Variants in ATP2C1 observed in about 807,000 individuals in gnomAD.
ATP2C1 encodes the protein ATPase secretory pathway Ca2+ transporting 1, also known as calcium-transporting ATPase type 2C member 1.
ATP2C1 carries 31 observed loss-of-function variants against 120.5 expected under a neutral mutation model. The observed-to-expected ratio is 0.26, with a 90% CI of 0.19 to 0.35. ATP2C1 has a LOEUF of 0.35. Ranked by LOEUF, ATP2C1 falls within the 10% of genes least tolerant of loss-of-function variation. The pLI, the probability that ATP2C1 is intolerant of heterozygous loss-of-function variation, is 1.00. For synonymous variants in ATP2C1, 351 were observed against 358.7 expected, an observed-to-expected ratio of 0.98 and a Z score of 0.24; for missense variants, 731 against 1,107.5, an observed-to-expected ratio of 0.66 and a Z score of 4.83.
upstream of ATP2C1, chr3:130,894,048 G>A: frequency 1.0e-6 from 1 of 986,290 alleles, no homozygotes; most frequent in Non-Finnish European, 1.2e-6. The surrounding 1 kb of genome is among the most constrained non-coding windows in gnomAD (Gnocchi z 4.5). Flanking sequence ...GGCCGGCGGC[G>A]GGGAGGGGCG....
chr3:130,953,149 A>G (rs1373046094), intron 8 of ATP2C1, among the ~76,000 whole-genome samples: 1 of 151,986 alleles, frequency 6.6e-6, no homozygotes, highest in Non-Finnish European at 1.5e-5. Context: ...ATCTATACTC[A>G]TAAAATTGTT....
chr3:130,860,121 TA>T (rs989943582), intron 1 of ATP2C1, among the ~76,000 whole-genome samples: 1 of 152,266 alleles, frequency 6.6e-6, no homozygotes, highest in African/African-American at 2.4e-5. Context: ...TATTTTTCAT[TA>T]AAACAAACAT....
At position 130,929,886 on chromosome 3, in the gene ATP2C1, T is replaced by A. The variant is rs1325002002; in HGVS notation, c.7-530T>A. ...TGCATCCTTTGCTTGTCTGGTCTCT[T>A]TTACTTCTTGTTTTTCTCCTAGTTT... On this transcript the variant is annotated intron_variant, in intron 2 of 27. Coordinates refer to ENST00000510168, the MANE Select transcript of ATP2C1 (RefSeq NM_001378687.1). The A allele has an allele frequency of 1.5e-5, 3 of 203,060 alleles. No homozygotes were observed. The East Asian group carries it at 4.0e-4, about 27-fold the overall frequency. The allele number at this position is 203,060 out of a possible 1,614,324, so 12.6% of individuals were successfully genotyped here.
At chr3:130,897,683 T>C (rs2069753016) in intron 2 of ATP2C1, among the ~76,000 whole-genome samples, 1 of 152,192 alleles carries the variant, frequency 6.6e-6, no homozygotes, top group African/African-American at 2.4e-5. Flanking sequence ...TGGTGGTATT[T>C]TCTTTGGCAC....
Position 131,001,546 on chromosome 3 carries a change from C to CAGATCGAAGG in ATP2C1, c.*196_*197insAGATCGAAGG. 7.8e-7 allele frequency: 1 copy of CAGATCGAAGG among 1,282,964 alleles called. No homozygotes were observed. The highest frequency in any genetic ancestry group is 9.9e-7 in the Non-Finnish European group (1 of 1,009,640). 79.5% of individuals were successfully genotyped at this position (1,282,964 alleles called of 1,614,324 possible). On this transcript the variant is annotated 3_prime_UTR_variant, in exon 28 of 28. Transcript: ENST00000510168. ...AATTATGCAACTTTGATATCATATT[C>CAGATCGAAGG]CTTGATTTAAATTGGCTTTTGTGAT... is the stretch of plus-strand genomic sequence containing the variant.
At chr3:130,957,074 G>A (rs1210543598) in intron 11 of ATP2C1, among the ~76,000 whole-genome samples, 1 of 152,122 alleles carries the variant, frequency 6.6e-6, no homozygotes, top group African/African-American at 2.4e-5. Context: ...TGCTAAGCAT[G>A]TGGGACTTAT....
At chr3:130,987,001 A>G (rs1014848499) in intron 20 of ATP2C1, among the ~76,000 whole-genome samples, 1 of 151,442 alleles carries the variant, frequency 6.6e-6, no homozygotes, top group African/African-American at 2.4e-5. Context: ...GTGCAGTGGC[A>G]TGATCATAGC....
chr3:130,918,265 C>A, intron 2 of ATP2C1: 1 of 1,538,548 alleles, frequency 6.5e-7, no homozygotes, highest in African/African-American at 1.4e-5. Flanking sequence ...AGCCAAATCC[C>A]TTGGGCCCAA....
intron 1 of ATP2C1, among the ~76,000 whole-genome samples, chr3:130,887,137 T>C (rs2068997453): frequency 6.6e-6 from 1 of 152,208 alleles, no homozygotes; most frequent in Non-Finnish European, 1.5e-5. Context: ...CTCTGTATTA[T>C]GAGGCAGAGA....
chr3:130,867,435 G>T (rs1269036359), intron 1 of ATP2C1, among the ~76,000 whole-genome samples: 1 of 144,124 alleles, frequency 6.9e-6, no homozygotes, highest in Non-Finnish European at 1.5e-5. Flanking sequence ...TCAGCCTGCC[G>T]AGTGCCGCCA....
intron 19 of ATP2C1, 91 bp downstream of exon 19, chr3:130,979,510 T>C (rs2061663910): frequency 7.5e-7 from 1 of 1,325,164 alleles, no homozygotes; most frequent in East Asian, 2.4e-5. Flanking sequence ...TGAATATGTT[T>C]ATGTAATATT....
chr3:130,979,378 A>G lies in ATP2C1; in HGVS notation c.1700A>G (p.Lys567Arg), dbSNP rs532853402. 1 of 1,613,634 alleles carries G rather than the reference A, an allele frequency of 6.2e-7. No individual in the cohort carries two copies. The highest frequency in any genetic ancestry group is 8.5e-7 in the Non-Finnish European group (1 of 1,179,758). ...TTLIASGVSI[K>R]MITGDSQETA... is the part of the protein sequence containing the mutation. ...CTCATTGCCTCAGGAGTATCAATAA[A>G]AATGATTACTGGAGATTCACAGGAG... is the stretch of plus-strand genomic sequence containing the variant. Residue 567 changes from lysine to arginine, a missense_variant, in exon 19 of 28, where the codon AAA becomes AGA. Physicochemically the swap from Lys to Arg is conservative, Grantham distance 26. Transcript: ENST00000510168.
At chr3:130,996,648 T>C (rs375188326) in intron 23 of ATP2C1, 32 bp from the exon 24 acceptor site, 101 of 1,366,824 alleles carry the variant, frequency 7.4e-5, no homozygotes, top group Non-Finnish European at 9.3e-5. Flanking sequence ...TTTACTCTAC[T>C]GATATTTTTA....
intron 23 of ATP2C1, 122 bp from the exon 24 acceptor site, chr3:130,996,558 A>G (rs2062630328): frequency 3.9e-6 from 3 of 760,034 alleles, no homozygotes; most frequent in Non-Finnish European, 7.1e-6. Flanking sequence ...AGAATAGTTT[A>G]CTTGAAACAG....
At chr3:130,933,245 G>A (rs561216457) in intron 4 of ATP2C1, among the ~76,000 whole-genome samples, 171 of 142,246 alleles carry the variant, frequency 1.2e-3, no homozygotes, top group African/African-American at 4.2e-3. Context: ...AATAGTAATC[G>A]TAATCACAAA....
At chr3:130,913,399 C>T (rs1203030843) in intron 2 of ATP2C1, among the ~76,000 whole-genome samples, 39 of 152,076 alleles carry the variant, frequency 2.6e-4, no homozygotes, top group Non-Finnish European at 2.9e-4. Context: ...CAGAATAGAG[C>T]CTCGTGGCAT....
chr3:130,970,083 C>T (rs1023454168), intron 17 of ATP2C1, among the ~76,000 whole-genome samples: 1 of 152,130 alleles, frequency 6.6e-6, no homozygotes, highest in African/African-American at 2.4e-5. Flanking sequence ...TTTGGGAGGC[C>T]AAGGCGGGTG....
At chr3:130,884,375 ATAT>A (rs752308191) in intron 1 of ATP2C1, among the ~76,000 whole-genome samples, 4 of 152,200 alleles carry the variant, frequency 2.6e-5, no homozygotes, top group Non-Finnish European at 5.9e-5. Context: ...AAGATGCTTG[ATAT>A]TATTTCATTT....
intron 20 of ATP2C1, among the ~76,000 whole-genome samples, chr3:130,991,891 C>G (rs2062367072): frequency 6.6e-6 from 1 of 152,124 alleles, no homozygotes; most frequent in East Asian, 1.9e-4. Flanking sequence ...AGGTGGTCGG[C>G]TGAGAAGGAG....
Sources: gnomAD v4.1 joint callset for allele counts (sites outside exome capture counted in the v4.1 genomes callset) on GRCh38, gnomAD v4.1.1 for gene constraint, Gnocchi (gnomAD v3.1) non-coding constraint, MANE v1.5 for transcripts, NCBI Gene and HGNC (gene_info 2026-07-23, HGNC 2026-07-21) for gene names.